The following VRK2 variants were observed in gnomAD, a reference collection of about 807,000 sequenced individuals.
The protein encoded by VRK2 is serine/threonine-protein kinase VRK2.
In VRK2, 60 loss-of-function variants were observed where a neutral mutation model predicts 57.6. That is an observed-to-expected ratio of 1.04 (90% CI 0.85 to 1.29). The LOEUF (loss-of-function observed/expected upper bound fraction) is 1.29, where lower values mean the gene tolerates loss of function less well. Ranked by LOEUF, VRK2 falls within the 50% of genes most tolerant of loss-of-function variation. The pLI, the probability that VRK2 is intolerant of heterozygous loss-of-function variation, is 0.00. For missense variants in VRK2, 705 were observed against 588.1 expected (o/e 1.20, Z -2.06); for synonymous variants, 231 against 199.2 (o/e 1.16, Z -1.35).
chr2:58,050,943 C>A (rs548376965), intron 2 of VRK2, among the ~76,000 whole-genome samples: 1 of 152,100 alleles, frequency 6.6e-6, no homozygotes, highest in Non-Finnish European at 1.5e-5. Context: ...CTCCTAGGTT[C>A]AAGCAATTCT....
intron 1 of VRK2, among the ~76,000 whole-genome samples, chr2:57,990,881 A>ATG (rs1558529002): frequency 6.9e-6 from 1 of 144,486 alleles, no homozygotes; most frequent in East Asian, 2.0e-4. Flanking sequence ...ACACACACAC[A>ATG]CACATGCACA....
At chr2:58,084,694 A>G (rs527569487) in intron 3 of VRK2, among the ~76,000 whole-genome samples, 187 bp from the exon 4 acceptor site, 579 of 152,068 alleles carry the variant, frequency 3.8e-3, no homozygotes, top group Middle Eastern at 0.01. Flanking sequence ...TTTAAAAATT[A>G]GATTCTTCAA....
chr2:58,097,306 GT>G (rs892747686), intron 7 of VRK2, among the ~76,000 whole-genome samples: 3 of 150,278 alleles, frequency 2.0e-5, no homozygotes, highest in South Asian at 2.1e-4. Context: ...TTCTCCTATA[GT>G]TTTTTTTTAA....
chr2:58,140,447 A>G (rs1350663569), intron 11 of VRK2, among the ~76,000 whole-genome samples: 5 of 152,054 alleles, frequency 3.3e-5, no homozygotes, highest in Non-Finnish European at 7.4e-5. Flanking sequence ...GTTATTAGCA[A>G]GAATAGTGGA....
intron 12 of VRK2, 55 bp from the exon 13 acceptor site, chr2:58,159,294 A>C: frequency 7.3e-7 from 1 of 1,362,420 alleles, no homozygotes; most frequent in Non-Finnish European, 1.0e-6. Flanking sequence ...CACAAAATAA[A>C]TACTTGGATA....
chr2:57,985,922 A>G (rs916120258), intron 1 of VRK2, among the ~76,000 whole-genome samples: 1 of 152,168 alleles, frequency 6.6e-6, no homozygotes, highest in African/African-American at 2.4e-5. Context: ...AATTCAAATA[A>G]AACTGTATCA....
intron 1 of VRK2, among the ~76,000 whole-genome samples, chr2:57,982,592 G>T (rs1672457377): frequency 6.6e-6 from 1 of 152,162 alleles, no homozygotes; most frequent in South Asian, 2.1e-4. Context: ...GTTAGGTGGG[G>T]TCTGCTGATG....
chr2:58,022,336 G>A (rs900856932), intron 1 of VRK2, among the ~76,000 whole-genome samples: 1 of 152,212 alleles, frequency 6.6e-6, no homozygotes, highest in Non-Finnish European at 1.5e-5. Flanking sequence ...AGTGAGCATG[G>A]AATGCTATAA....
At chr2:57,919,721 G>A (rs1432492310) in intron 1 of VRK2, among the ~76,000 whole-genome samples, 1 of 151,972 alleles carries the variant, frequency 6.6e-6, no homozygotes, top group Non-Finnish European at 1.5e-5. Context: ...TACCTGGCAG[G>A]CAGCTAGGGG....
intron 8 of VRK2, among the ~76,000 whole-genome samples, chr2:58,124,264 G>A (rs1677968949): frequency 2.0e-5 from 3 of 152,144 alleles, no homozygotes; most frequent in African/African-American, 7.2e-5. Context: ...GGAAGTAGGA[G>A]GTCAATATTG....
At chr2:57,978,829 T>A (rs1572930053) in intron 1 of VRK2, among the ~76,000 whole-genome samples, 1 of 150,340 alleles carries the variant, frequency 6.7e-6, no homozygotes, top group Non-Finnish European at 1.5e-5. Context: ...CAGGCCCTGG[T>A]GTATGTTGTT....
chr2:58,148,478 A>G (rs1017448296), intron 12 of VRK2, among the ~76,000 whole-genome samples: 2 of 151,758 alleles, frequency 1.3e-5, no homozygotes, highest in Non-Finnish European at 2.9e-5. Context: ...GTATCTTAGG[A>G]TGTGCAGAAG....
intron 1 of VRK2, among the ~76,000 whole-genome samples, chr2:57,926,693 T>C (rs1670549528): frequency 6.6e-6 from 1 of 151,916 alleles, no homozygotes; most frequent in Non-Finnish European, 1.5e-5. Flanking sequence ...TTCCACTGCA[T>C]GGAATATCTT....
chr2:57,962,374 A>C (rs1671787656), intron 1 of VRK2, among the ~76,000 whole-genome samples: 1 of 151,162 alleles, frequency 6.6e-6, no homozygotes, highest in African/African-American at 2.4e-5. Context: ...TTTCTGACCA[A>C]CTCTGCCCCA....
At chr2:58,051,151 T>C (rs1465652982) in intron 2 of VRK2, among the ~76,000 whole-genome samples, 3 of 151,656 alleles carry the variant, frequency 2.0e-5, no homozygotes, top group Non-Finnish European at 1.5e-5. Context: ...AGCCTACTTA[T>C]TTTTTTTTAT....
intron 1 of VRK2, among the ~76,000 whole-genome samples, chr2:57,964,039 T>A (rs943641126): frequency 1.1e-4 from 16 of 152,162 alleles, no homozygotes; most frequent in African/African-American, 3.9e-4. Context: ...TCTGAAATTA[T>A]GCTATAAATA....
chr2:57,935,791 T>A (rs1387276908), intron 1 of VRK2, among the ~76,000 whole-genome samples: 2 of 152,228 alleles, frequency 1.3e-5, no homozygotes, highest in African/African-American at 4.8e-5. Flanking sequence ...GCTCTTACTT[T>A]CTGTCATTAG....
intron 1 of VRK2, among the ~76,000 whole-genome samples, chr2:57,950,862 G>A (rs1435900609): frequency 1.3e-5 from 2 of 152,036 alleles, no homozygotes; most frequent in African/African-American, 4.8e-5. Flanking sequence ...GAGAGGCTGA[G>A]GCGGGTGGAT....
chr2:57,978,262 T>C (rs1164933227), intron 1 of VRK2, among the ~76,000 whole-genome samples: 1 of 151,148 alleles, frequency 6.6e-6, no homozygotes, highest in African/African-American at 2.5e-5. Flanking sequence ...TCCAAAAATT[T>C]GTTAATAAAT....
Sources: allele counts gnomAD v4.1 joint callset (sites outside exome capture counted in the v4.1 genomes callset), GRCh38; gene constraint gnomAD v4.1.1; transcripts MANE v1.5; gene names NCBI Gene and HGNC (gene_info 2026-07-23, HGNC 2026-07-21).